Variants in LSAMP observed in about 807,000 individuals in gnomAD.
LSAMP encodes the protein limbic system associated membrane protein.
In LSAMP, 7 loss-of-function variants were observed where a neutral mutation model predicts 38.6. The ratio of observed to expected loss-of-function variants is 0.18; its 90% CI spans 0.10 to 0.34. The LOEUF is 0.34. Ranked by LOEUF, LSAMP falls within the 10% of genes least tolerant of loss-of-function variation. The probability of loss-of-function intolerance (pLI) is 1.00; values close to 1 mark genes in which losing one functional copy is unlikely to be tolerated. For missense variants in LSAMP, 313 were observed against 420.0 expected (o/e 0.75, Z 2.23); for synonymous variants, 154 against 166.8 (o/e 0.92, Z 0.59).
chr3:116,095,215 T>G (rs568829057), intron 1 of LSAMP, among the ~76,000 whole-genome samples: 1 of 152,296 alleles, frequency 6.6e-6, no homozygotes, highest in East Asian at 1.9e-4. Context: ...TTTCTGTGAT[T>G]AGGCTACCAC....
At chr3:116,183,710 A>C (rs986079984) in intron 1 of LSAMP, among the ~76,000 whole-genome samples, 3 of 151,852 alleles carry the variant, frequency 2.0e-5, no homozygotes, top group Non-Finnish European at 2.9e-5. Context: ...ATTTTAGTGA[A>C]TAGTCACCAT....
At position 115,855,219 on chromosome 3, in the gene LSAMP, G is replaced by A. The variant is rs189277797; in HGVS notation, c.515-2602C>T. Among the ~76,000 whole-genome samples the A allele has an allele frequency of 8.9e-3, 1,356 of 152,166 alleles. 12 individuals carry two copies. The highest frequency in any genetic ancestry group is 0.015 in the Admixed American group (229 of 15,270). ...AGAGAGAAAGATTATTTTTAGCTGC[G>A]CCAACTAAAGCCCTACCAATTCTGG... On this transcript the variant is annotated intron_variant, in intron 3 of 6. Coordinates refer to ENST00000490035, the MANE Select transcript of LSAMP (RefSeq NM_002338.5).
chr3:115,885,583 G>A (rs1317677634), intron 3 of LSAMP, among the ~76,000 whole-genome samples: 1 of 145,850 alleles, frequency 6.9e-6, no homozygotes, highest in Non-Finnish European at 1.5e-5. Flanking sequence ...CTGGATTCAT[G>A]CTGTCATCAG....
chr3:116,291,919 G>A (rs1001005311), intron 1 of LSAMP, among the ~76,000 whole-genome samples: 4 of 152,114 alleles, frequency 2.6e-5, no homozygotes, highest in Non-Finnish European at 5.9e-5. Flanking sequence ...AAATCTGCCA[G>A]GCAACAACTG....
At chr3:116,424,024 G>A (rs1458347290) in intron 1 of LSAMP, among the ~76,000 whole-genome samples, 2 of 152,234 alleles carry the variant, frequency 1.3e-5, no homozygotes, top group East Asian at 3.9e-4. Flanking sequence ...ATAGAGAGAG[G>A]AAAAACAAGC....
intron 1 of LSAMP, among the ~76,000 whole-genome samples, chr3:116,339,842 C>A (rs2047969437): frequency 1.3e-5 from 2 of 152,004 alleles, no homozygotes; most frequent in African/African-American, 4.8e-5. Context: ...GAAGATGCAG[C>A]CAGATATTAC....
intron 1 of LSAMP, among the ~76,000 whole-genome samples, chr3:116,211,913 G>GT (rs1559785260): frequency 6.6e-6 from 1 of 152,188 alleles, no homozygotes; most frequent in Non-Finnish European, 1.5e-5. Context: ...AGCAGGAGAC[G>GT]TTGGTTCCAT....
At chr3:115,930,934 A>G (rs1272285103) in intron 3 of LSAMP, among the ~76,000 whole-genome samples, 1 of 152,248 alleles carries the variant, frequency 6.6e-6, no homozygotes, top group Admixed American at 6.5e-5. Flanking sequence ...TTTTATAAAA[A>G]CAAGATAAAA....
chr3:115,881,084 A>T (rs1936311455), intron 3 of LSAMP, among the ~76,000 whole-genome samples: 1 of 151,074 alleles, frequency 6.6e-6, no homozygotes, highest in Non-Finnish European at 1.5e-5. Flanking sequence ...TACTGTACAT[A>T]GTGCCATTAT....
At chr3:115,998,579 G>A (rs1166702810) in intron 3 of LSAMP, among the ~76,000 whole-genome samples, 2 of 152,054 alleles carry the variant, frequency 1.3e-5, no homozygotes, top group Non-Finnish European at 2.9e-5. Context: ...TCATCACCTG[G>A]AAGCTTAGAT....
intron 1 of LSAMP, among the ~76,000 whole-genome samples, chr3:116,206,138 G>C (rs1376466283): frequency 1.3e-5 from 2 of 150,232 alleles, no homozygotes; most frequent in Non-Finnish European, 3.0e-5. Context: ...TTGGGAGAGT[G>C]TATGTGTTGA....
chr3:116,122,714 A>G (rs974365797), intron 1 of LSAMP, among the ~76,000 whole-genome samples: 23 of 152,222 alleles, frequency 1.5e-4, no homozygotes, highest in Admixed American at 2.6e-4. Context: ...TCTAAGATTC[A>G]ACATACATTT....
chr3:116,355,697 G>A (rs560249121), intron 1 of LSAMP, among the ~76,000 whole-genome samples: 1 of 152,208 alleles, frequency 6.6e-6, no homozygotes, highest in Non-Finnish European at 1.5e-5. Context: ...TCTGATAAGG[G>A]ATTATAACCA....
intron 1 of LSAMP, among the ~76,000 whole-genome samples, chr3:116,203,875 C>G (rs186065238): frequency 6.6e-6 from 1 of 152,110 alleles, no homozygotes; most frequent in Non-Finnish European, 1.5e-5. Flanking sequence ...GTGCATGTGT[C>G]TTTATAGCAG....
At chr3:116,278,636 A>ATAATGACAG (rs1203630501) in intron 1 of LSAMP, among the ~76,000 whole-genome samples, 19 of 152,198 alleles carry the variant, frequency 1.2e-4, no homozygotes, top group Admixed American at 3.3e-4. Context: ...GTGGCCTTAG[A>ATAATGACAG]TAATGACAGG....
At chr3:116,165,447 G>A (rs1710026553) in intron 1 of LSAMP, among the ~76,000 whole-genome samples, 1 of 152,158 alleles carries the variant, frequency 6.6e-6, no homozygotes, top group African/African-American at 2.4e-5. Context: ...GGAGCAATTG[G>A]AGGATAAAGA....
intron 3 of LSAMP, among the ~76,000 whole-genome samples, chr3:115,995,116 G>A (rs1167031510): frequency 1.3e-5 from 2 of 152,016 alleles, no homozygotes; most frequent in African/African-American, 4.8e-5. Context: ...TCCATACATA[G>A]TATTCACCAA....
chr3:116,350,749 A>G (rs2048128082), intron 1 of LSAMP, among the ~76,000 whole-genome samples: 1 of 152,056 alleles, frequency 6.6e-6, no homozygotes, highest in Admixed American at 6.6e-5. Context: ...TCTTTACTTA[A>G]TAAGAGAAGA....
chr3:116,134,244 C>A (rs1709197819), intron 1 of LSAMP, among the ~76,000 whole-genome samples: 1 of 152,144 alleles, frequency 6.6e-6, no homozygotes, highest in Admixed American at 6.6e-5. Context: ...GGAAAATACA[C>A]CCCATGCCCA....
Sources: gnomAD v4.1 joint callset for allele counts (sites outside exome capture counted in the v4.1 genomes callset) on GRCh38, gnomAD v4.1.1 for gene constraint, MANE v1.5 for transcripts, NCBI Gene and HGNC (gene_info 2026-07-23, HGNC 2026-07-21) for gene names.